Variants in CCSER1 observed in about 807,000 individuals in gnomAD.
CCSER1 encodes the protein coiled-coil serine rich protein 1, also known as serine-rich coiled-coil domain-containing protein 1.
Under a neutral mutation model 82.0 loss-of-function variants are expected in CCSER1, and 41 were observed. That is an observed-to-expected ratio of 0.50 (90% confidence interval 0.39 to 0.65). The LOEUF (loss-of-function observed/expected upper bound fraction) is 0.65, where lower values mean the gene tolerates loss of function less well. Among genes scored for constraint, CCSER1 ranks in the 30% least tolerant of loss-of-function variants. CCSER1 has a pLI of 0.00. For missense variants in CCSER1, 1,119 were observed against 1,064.2 expected (o/e 1.05, Z -0.72); for synonymous variants, 414 against 383.9 (o/e 1.08, Z -0.92).
intron 10 of CCSER1, among the ~76,000 whole-genome samples, chr4:91,477,437 A>G (rs1171820841): frequency 1.3e-5 from 2 of 151,830 alleles, no homozygotes; most frequent in East Asian, 1.9e-4. Context: ...TATGAAATGC[A>G]GGGTTTGGAT....
chr4:90,652,065 A>C (rs140679627), intron 6 of CCSER1, among the ~76,000 whole-genome samples: 1 of 152,150 alleles, frequency 6.6e-6, no homozygotes, highest in Non-Finnish European at 1.5e-5. Context: ...AAACTGGGGC[A>C]TACTAATTGA....
At chr4:90,356,770 T>A (rs1282582449) in intron 3 of CCSER1, among the ~76,000 whole-genome samples, 3 of 151,874 alleles carry the variant, frequency 2.0e-5, no homozygotes. Flanking sequence ...TATTTTTAAA[T>A]ATTTTCTGGG....
At position 91,068,357 on chromosome 4, in the gene CCSER1, G is replaced by T. The variant is rs541325794; in HGVS notation, c.2173-17593G>T. Among the ~76,000 whole-genome samples, 29 of 152,298 alleles carry T rather than the reference G, an allele frequency of 1.9e-4. No individual in the cohort carries two copies. The East Asian group carries it at 5.2e-3, about 27-fold the overall frequency. On this transcript the variant is annotated intron_variant, in intron 9 of 10. Coordinates refer to ENST00000509176, the MANE Select transcript of CCSER1 (RefSeq NM_001145065.2). ...TGTCAAAATTATGAAACATTGATCT[G>T]TGAGATAAAAATGTAAGCCACGGTA...
At chr4:91,440,687 T>C (rs1755060920) in intron 10 of CCSER1, among the ~76,000 whole-genome samples, 2 of 152,152 alleles carry the variant, frequency 1.3e-5, no homozygotes, top group South Asian at 2.1e-4. Context: ...AGGAGCTGTT[T>C]TTTTGAAAGG....
At chr4:91,341,382 T>G (rs573554864) in intron 10 of CCSER1, among the ~76,000 whole-genome samples, 2 of 152,294 alleles carry the variant, frequency 1.3e-5, no homozygotes, top group South Asian at 4.1e-4. Flanking sequence ...GCTTTGGTTT[T>G]AGAAAAAAGT....
chr4:91,543,361 T>G (rs1396757736), intron 10 of CCSER1, among the ~76,000 whole-genome samples: 1 of 152,198 alleles, frequency 6.6e-6, no homozygotes, highest in Non-Finnish European at 1.5e-5. Flanking sequence ...TAGCTGGTTA[T>G]TTTGCTTGTT....
At chr4:91,277,738 T>C (rs1365136851) in intron 10 of CCSER1, among the ~76,000 whole-genome samples, 1 of 151,862 alleles carries the variant, frequency 6.6e-6, no homozygotes, top group African/African-American at 2.4e-5. Context: ...TGGGTTTGGT[T>C]TGTTCTTGCT....
intron 3 of CCSER1, among the ~76,000 whole-genome samples, chr4:90,391,353 A>T (rs1751018320): frequency 7.0e-6 from 1 of 143,680 alleles, no homozygotes; most frequent in Non-Finnish European, 1.5e-5. Context: ...GTTTGAGGTG[A>T]TGAATACCCC....
chr4:90,571,271 C>T (rs1258333476), intron 5 of CCSER1, among the ~76,000 whole-genome samples: 4 of 152,180 alleles, frequency 2.6e-5, no homozygotes, highest in Non-Finnish European at 4.4e-5. Flanking sequence ...CAAAAAGACA[C>T]CTTCACTCAT....
In CCSER1 at chr4:90,791,520, A is replaced by G. The variant is rs148927931; in HGVS notation, c.2011-24242A>G. Among the ~76,000 whole-genome samples the G allele has an allele frequency of 3.9e-3, 589 of 152,244 alleles. 6 individuals are homozygous for G. The highest frequency in any genetic ancestry group is 0.014 in the African/African-American group (563 of 41,516). On this transcript the variant is annotated intron_variant, in intron 7 of 10. Transcript: ENST00000509176. ...AGAGTACAACTCTTTGAAGGTTCAGATGATTATTATTTTTAATAACATATT... is the reference window on the plus strand; with the variant it reads ...AGAGTACAACTCTTTGAAGGTTCAGGTGATTATTATTTTTAATAACATATT...
intron 7 of CCSER1, among the ~76,000 whole-genome samples, chr4:90,778,539 A>AAC (rs1554011738): frequency 6.0e-5 from 9 of 150,232 alleles, no homozygotes; most frequent in African/African-American, 1.9e-4. Flanking sequence ...AAAAAAAAAA[A>AAC]ACACAAAAAG....
intron 8 of CCSER1, among the ~76,000 whole-genome samples, chr4:90,872,699 A>G (rs1561283519): frequency 1.3e-5 from 2 of 151,940 alleles, no homozygotes; most frequent in Non-Finnish European, 2.9e-5. Context: ...TCAACTTACT[A>G]TTACCGGTGA....
chr4:91,139,487 C>G (rs1434906550), intron 10 of CCSER1, among the ~76,000 whole-genome samples: 6 of 152,016 alleles, frequency 3.9e-5, no homozygotes, highest in African/African-American at 1.4e-4. Context: ...GCATTTTTCT[C>G]TTAGCAGATA....
intron 9 of CCSER1, among the ~76,000 whole-genome samples, chr4:91,083,382 T>C (rs530783568): frequency 9.8e-4 from 147 of 150,434 alleles, no homozygotes; most frequent in Non-Finnish European, 1.9e-3. Context: ...AGACACAAGG[T>C]GGGGAACATC....
intron 9 of CCSER1, among the ~76,000 whole-genome samples, chr4:90,946,341 A>G (rs1258585118): frequency 6.6e-6 from 1 of 152,174 alleles, no homozygotes; most frequent in Non-Finnish European, 1.5e-5. Flanking sequence ...TTCTCAATTT[A>G]TGGAGGAGGC....
At chr4:91,371,506 C>A (rs1195900667) in intron 10 of CCSER1, among the ~76,000 whole-genome samples, 2 of 152,102 alleles carry the variant, frequency 1.3e-5, no homozygotes, top group Admixed American at 1.3e-4. Context: ...ATGACAGGTT[C>A]TCTTATTTTT....
At chr4:91,260,387 C>A (rs1017818223) in intron 10 of CCSER1, among the ~76,000 whole-genome samples, 1 of 152,206 alleles carries the variant, frequency 6.6e-6, no homozygotes, top group African/African-American at 2.4e-5. Context: ...ATTAATCATA[C>A]AAGTAATAAC....
chr4:90,359,064 G>T (rs1051156772), intron 3 of CCSER1, among the ~76,000 whole-genome samples: 4 of 152,114 alleles, frequency 2.6e-5, no homozygotes, highest in Admixed American at 1.3e-4. Flanking sequence ...CATAAGGCAC[G>T]ATGTGTTACG....
At chr4:90,623,549 A>G (rs1257472372) in intron 5 of CCSER1, among the ~76,000 whole-genome samples, 2 of 152,194 alleles carry the variant, frequency 1.3e-5, no homozygotes, top group Non-Finnish European at 2.9e-5. Context: ...TTTGAATTCT[A>G]TCTTGCTTTT....
Sources: allele counts gnomAD v4.1 joint callset (sites outside exome capture counted in the v4.1 genomes callset), GRCh38; gene constraint gnomAD v4.1.1; transcripts MANE v1.5; gene names NCBI Gene and HGNC (gene_info 2026-07-23, HGNC 2026-07-21).